Variants in COBL observed in about 807,000 individuals in gnomAD.
The protein encoded by COBL is cordon-bleu WH2 repeat protein.
A neutral mutation model predicts 98.8 loss-of-function variants in COBL; 51 were observed. The ratio of observed to expected loss-of-function variants is 0.52; its 90% CI spans 0.41 to 0.65. The LOEUF (loss-of-function observed/expected upper bound fraction) is 0.65. COBL is among the 30% of genes least tolerant of loss of function. The pLI is 0.00. For missense variants in COBL, 1,617 were observed against 1,617.5 expected, an observed-to-expected ratio of 1.00 and a Z score of 0.01; for synonymous variants, 634 against 651.7, an observed-to-expected ratio of 0.97 and a Z score of 0.41.
At chr7:51,171,935 T>G (rs1787911898) in intron 5 of COBL, among the ~76,000 whole-genome samples, 1 of 152,194 alleles carries the variant, frequency 6.6e-6, no homozygotes, top group South Asian at 2.1e-4. Context: ...AGATCCAACT[T>G]TTATTAGATA....
intron 7 of COBL, chr7:51,082,934 G>A (rs1313337951): frequency 2.3e-6 from 2 of 859,476 alleles, no homozygotes; most frequent in East Asian, 2.6e-5. Flanking sequence ...GGAAACAAGA[G>A]CTGAGAAGGA....
At chr7:51,307,066 C>T (rs912391537) in intron 1 of COBL, among the ~76,000 whole-genome samples, 8 of 152,220 alleles carry the variant, frequency 5.3e-5, no homozygotes, top group Admixed American at 5.2e-4. Flanking sequence ...GAGGACAGGC[C>T]GGGTGCAGTG....
At position 51,240,011 on chromosome 7, in the gene COBL, T is replaced by G. The variant is rs141864580; in HGVS notation, c.42-20067A>C. The stretch of plus-strand genomic sequence containing the variant: ...CTGTGTTCCAATACAATCTCACTTA[T>G]GGACACAATTTTGAATCTCATATAA... On this transcript the variant is annotated intron_variant, in intron 1 of 12. Coordinates refer to ENST00000265136, the MANE Select transcript of COBL (RefSeq NM_015198.5). Among the ~76,000 whole-genome samples, 1,177 of 152,364 alleles carry G rather than the reference T, an allele frequency of 7.7e-3. 16 individuals are homozygous for G. The highest frequency in any genetic ancestry group is 0.027 in the African/African-American group (1,105 of 41,588).
At chr7:51,257,153 A>T (rs1797264600) in intron 1 of COBL, among the ~76,000 whole-genome samples, 1 of 152,174 alleles carries the variant, frequency 6.6e-6, no homozygotes. Context: ...CTCAAGATAA[A>T]AGAAGACAGA....
intron 1 of COBL, among the ~76,000 whole-genome samples, chr7:51,243,136 C>A (rs1449628485): frequency 1.3e-5 from 2 of 152,194 alleles, no homozygotes; most frequent in Non-Finnish European, 1.5e-5. Context: ...CAAAACATGG[C>A]ATGAACTGAT....
intron 5 of COBL, among the ~76,000 whole-genome samples, chr7:51,170,217 C>G (rs368743179): frequency 2.0e-5 from 3 of 151,646 alleles, no homozygotes; most frequent in South Asian, 4.2e-4. Flanking sequence ...TATGGCTATT[C>G]GATGATCACA....
At chr7:51,172,564 G>C in intron 5 of COBL, 1 of 1,271,014 alleles carries the variant, frequency 7.9e-7, no homozygotes, top group African/African-American at 1.5e-5. Context: ...ATCATCTCCA[G>C]GTGAAAGTTC....
chr7:51,245,996 T>C (rs1260029217), intron 1 of COBL, among the ~76,000 whole-genome samples: 1 of 152,228 alleles, frequency 6.6e-6, no homozygotes, highest in Non-Finnish European at 1.5e-5. Context: ...CAAAGATCTC[T>C]GCAAATGCAA....
At chr7:51,244,200 T>G (rs1796080048) in intron 1 of COBL, among the ~76,000 whole-genome samples, 1 of 152,070 alleles carries the variant, frequency 6.6e-6, no homozygotes, top group South Asian at 2.1e-4. Context: ...CAAACCATGT[T>G]CCACTGCAAA....
intron 6 of COBL, among the ~76,000 whole-genome samples, chr7:51,127,704 C>T (rs1307974734): frequency 6.6e-6 from 1 of 152,090 alleles, no homozygotes; most frequent in African/African-American, 2.4e-5. Context: ...AGGAAACCTC[C>T]CTCTGGCCTG....
chr7:51,049,675 G>C (rs1405749207), intron 7 of COBL, among the ~76,000 whole-genome samples: 2 of 152,180 alleles, frequency 1.3e-5, no homozygotes, highest in Non-Finnish European at 2.9e-5. Context: ...ACACAAGCAT[G>C]ATTTTGGCAG....
At chr7:51,147,738 G>A (rs985349604) in intron 5 of COBL, among the ~76,000 whole-genome samples, 4 of 151,222 alleles carry the variant, frequency 2.6e-5, no homozygotes, top group Admixed American at 1.3e-4. Flanking sequence ...CATAAAGTAC[G>A]TTGATTTTTC....
chr7:51,187,329 TATACACACAC>T (rs1482691873), intron 4 of COBL, among the ~76,000 whole-genome samples: 2 of 142,404 alleles, frequency 1.4e-5, no homozygotes, highest in East Asian at 2.0e-4. Flanking sequence ...TATATATATA[TATACACACAC>T]ACACACACAC....
chr7:51,063,632 G>A (rs1238224459), intron 7 of COBL, among the ~76,000 whole-genome samples: 1 of 152,190 alleles, frequency 6.6e-6, no homozygotes, highest in Non-Finnish European at 1.5e-5. Context: ...AAGACCCTGA[G>A]GAAACCTGGT....
intron 1 of COBL, among the ~76,000 whole-genome samples, chr7:51,284,674 A>C (rs992331204): frequency 2.0e-5 from 3 of 151,258 alleles, no homozygotes; most frequent in Non-Finnish European, 4.4e-5. Context: ...TAAAAATACA[A>C]AAATTAGCTG....
intron 6 of COBL, among the ~76,000 whole-genome samples, chr7:51,127,380 T>A (rs77692471): frequency 0.013 from 2,012 of 152,286 alleles, 48 homozygotes; most frequent in African/African-American, 0.046. Flanking sequence ...GAGCATGACT[T>A]ATGACTTTGG....
chr7:51,181,021 C>T (rs919297019), intron 5 of COBL, among the ~76,000 whole-genome samples: 2 of 152,170 alleles, frequency 1.3e-5, no homozygotes, highest in Non-Finnish European at 2.9e-5. Flanking sequence ...AAATTTCTGA[C>T]GTGACTGAGG....
intron 10 of COBL, 77 bp from the exon 11 acceptor site, chr7:51,026,742 C>T (rs1787610125): frequency 6.5e-7 from 1 of 1,540,168 alleles, no homozygotes; most frequent in Admixed American, 1.7e-5. Context: ...ATGAGAAAAC[C>T]CACTCATGGG....
At chr7:51,107,088 G>T (rs112330899) in intron 6 of COBL, among the ~76,000 whole-genome samples, 6,225 of 55,318 alleles carry the variant, frequency 0.11, 496 homozygotes, top group East Asian at 0.21. Flanking sequence ...ATCCTAGTTT[G>T]TTTGTTTTTT....
Sources: gnomAD v4.1 joint callset for allele counts (sites outside exome capture counted in the v4.1 genomes callset) on GRCh38, gnomAD v4.1.1 for gene constraint, MANE v1.5 for transcripts, NCBI Gene and HGNC (gene_info 2026-07-23, HGNC 2026-07-21) for gene names.